The following MPHOSPH9 variants were observed in gnomAD, a reference collection of about 807,000 sequenced individuals.
MPHOSPH9 encodes the protein M-phase phosphoprotein 9.
In MPHOSPH9, 88 loss-of-function variants were observed where a neutral mutation model predicts 145.5. The ratio of observed to expected loss-of-function variants is 0.60; its 90% CI spans 0.51 to 0.72. The LOEUF (loss-of-function observed/expected upper bound fraction) is 0.72, where lower values mean the gene tolerates loss of function less well. Among genes scored for constraint, MPHOSPH9 ranks in the 30% least tolerant of loss-of-function variants. MPHOSPH9 has a pLI of 0.00. For synonymous variants in MPHOSPH9, 435 were observed against 486.2 expected (o/e 0.89, Z 1.39); for missense variants, 1,238 against 1,386.6 (o/e 0.89, Z 1.70).
At chr12:123,202,408 T>C (rs2046261578) in intron 10 of MPHOSPH9, 89 bp from the exon 11 acceptor site, 1 of 1,356,156 alleles carries the variant, frequency 7.4e-7, no homozygotes, top group East Asian at 2.3e-5. Context: ...ATGATTCTCA[T>C]GGGCAAAAAT....
rs1328314105 is a variant in MPHOSPH9 at position 123,203,336 on chromosome 12, C to G, written c.1234G>C (p.Asp412His). 3.1e-6 allele frequency: 5 copies of G among 1,610,462 alleles called. No homozygotes were observed. In the South Asian group the frequency reaches 4.4e-5, roughly 14 times the overall value. ...TCCCTTTGTTTTTTATAATAAATATCCTTCAGTGACGGTAGCTTCATCTCA... is the reference window on the plus strand; with the variant it reads ...TCCCTTTGTTTTTTATAATAAATATGCTTCAGTGACGGTAGCTTCATCTCA... Reference protein sequence around the residue: ...SNEMKLPSLKDIYYKKQRENK... With the variant: ...SNEMKLPSLKHIYYKKQRENK... The change falls in exon 9 of 24, where the codon GAT (aspartate) becomes CAT (histidine). Residue 412 changes from aspartate to histidine, a missense_variant. Around this residue, in one of 3 missense-constraint regions of MPHOSPH9, gnomAD observed 837 missense variants for 897.5 expected, o/e 0.93. Coordinates refer to ENST00000606320, the MANE Select transcript of MPHOSPH9 (RefSeq NM_022782.4).
intron 15 of MPHOSPH9, among the ~76,000 whole-genome samples, chr12:123,178,043 T>G (rs979230932): frequency 6.6e-6 from 1 of 152,200 alleles, no homozygotes; most frequent in African/African-American, 2.4e-5. Flanking sequence ...CATGCTGTTC[T>G]TTTTTCCCCC....
intron 16 of MPHOSPH9, among the ~76,000 whole-genome samples, chr12:123,171,804 CAT>C (rs760738998): frequency 1.3e-5 from 2 of 152,192 alleles, no homozygotes; most frequent in Admixed American, 6.5e-5. Context: ...CTCAAGCACA[CAT>C]AGACATACAG....
At chr12:123,221,924 A>G (rs1362344837) in intron 4 of MPHOSPH9, 29 bp from the exon 5 acceptor site, 2 of 1,225,064 alleles carry the variant, frequency 1.6e-6, no homozygotes, top group Non-Finnish European at 2.2e-6. Context: ...AGATTTGGGT[A>G]AGAAAGTATA....
At chr12:123,181,956 C>CT (rs941406957) in intron 13 of MPHOSPH9, among the ~76,000 whole-genome samples, 187 of 146,410 alleles carry the variant, frequency 1.3e-3, no homozygotes, top group Middle Eastern at 3.6e-3. Flanking sequence ...GGAACTATTA[C>CT]TTTTTTTTTT....
In MPHOSPH9 at chr12:123,221,265, T is replaced by A. The variant is rs1041615163; in HGVS notation, c.872+107A>T. 53 of 916,974 alleles carry A rather than the reference T, an allele frequency of 5.8e-5. No individual in the cohort carries two copies. In the Admixed American group the frequency reaches 1.5e-3, roughly 27 times the overall value. 56.8% of individuals were successfully genotyped at this position (916,974 alleles called of 1,614,324 possible). A position where few individuals can be genotyped will look rare whatever the true frequency, so the allele number is the denominator to read the frequency against. On this transcript the variant is annotated intron_variant, in intron 5 of 23. Coordinates refer to ENST00000606320, the MANE Select transcript of MPHOSPH9 (RefSeq NM_022782.4). ...GTTTATTTCAATTTTCTACAGGCAA[T>A]GAACTGATAAATGTTCAAATACATC...
At position 123,230,122 on chromosome 12, in the gene MPHOSPH9, T is replaced by A; in HGVS notation, c.104+139A>T. ...CAGGCATGAGCCACCGCGCCCAGCC[T>A]CCCTGAACATTCTTGATGATAGGTT... On this transcript the variant is annotated intron_variant, in intron 2 of 23. Coordinates refer to ENST00000606320, the MANE Select transcript of MPHOSPH9 (RefSeq NM_022782.4). The A allele has an allele frequency of 8.7e-6, 5 of 574,008 alleles. No individual in the cohort carries two copies. The South Asian group carries it at 9.0e-5, about 10-fold the overall frequency. The allele number at this position is 574,008 out of a possible 1,614,324, so 35.6% of individuals were successfully genotyped here.
chr12:123,182,542 G>A (rs2045230790), intron 13 of MPHOSPH9, among the ~76,000 whole-genome samples: 1 of 151,432 alleles, frequency 6.6e-6, no homozygotes, highest in Admixed American at 6.6e-5. Flanking sequence ...CACCACGCCT[G>A]GCCTATTGTA....
chr12:123,224,125 TAC>T (rs1179942926), intron 3 of MPHOSPH9, among the ~76,000 whole-genome samples: 4 of 132,410 alleles, frequency 3.0e-5, no homozygotes, highest in Admixed American at 7.6e-5. Flanking sequence ...TATATATATA[TAC>T]ACATTTTTTT....
chr12:123,228,148 G>A (rs1000330629), intron 2 of MPHOSPH9, among the ~76,000 whole-genome samples: 5 of 152,178 alleles, frequency 3.3e-5, no homozygotes, highest in African/African-American at 1.2e-4. Flanking sequence ...CCTACTCAGT[G>A]TGTAAAACAG....
rs2046643945 is a variant in MPHOSPH9 at position 123,210,216 on chromosome 12, T to C, written c.1088-54A>G. ...AAGAGTGAGAAAAAAACAAAAATGC[T>C]TTCTAGAATAACATTTCTACCTAAA... On this transcript the variant is annotated intron_variant, in intron 7 of 23. Transcript: ENST00000606320. The C allele has an allele frequency of 2.9e-6, 3 of 1,024,938 alleles. No individual in the cohort carries two copies. The East Asian group carries it at 8.2e-5, about 28-fold the overall frequency. The allele number at this position is 1,024,938 out of a possible 1,614,324, so 63.5% of individuals were successfully genotyped here.
Position 123,165,438 on chromosome 12 carries a change from AC to A in MPHOSPH9, c.2630del (p.Ser877IlefsTer7). 1 of 1,613,890 alleles carries A rather than the reference AC, an allele frequency of 6.2e-7. No homozygotes were observed. On this transcript the variant is annotated frameshift_variant, in exon 18 of 24. Transcript: ENST00000606320. LOFTEE classifies it high-confidence loss of function. Reference sequence around the variant, plus strand: ...TTTTTATCAACAAGCTTGTTGATGAACTTCCAGGTGAAGAATCCTTTTCCAG... The same window carrying A: ...TTTTTATCAACAAGCTTGTTGATGAATTCCAGGTGAAGAATCCTTTTCCAG... ...SPLEKDSSPG[S>X]SSTSLLIKKQ...
Position 123,209,737 on chromosome 12 carries a change from GT to G in MPHOSPH9, c.1194+318del, listed in dbSNP as rs531113020. Among the ~76,000 whole-genome samples, 832 of 123,642 alleles carry G rather than the reference GT, an allele frequency of 6.7e-3. 6 individuals carry two copies. The highest frequency in any genetic ancestry group is 0.023 in the African/African-American group (777 of 33,802). 81.1% of individuals were successfully genotyped at this position (123,642 alleles called of 152,430 possible). On this transcript the variant is annotated intron_variant, in intron 8 of 23. Transcript: ENST00000606320. ...CACGGTGTGTGTGTTTTGTTTTGTT[GT>G]TTTTTTTTTTTTTTTTGAGATGGAG...
Position 123,154,577 on chromosome 12 carries a change from ATAGGCTAC to A in MPHOSPH9, c.*2222_*2229del, listed in dbSNP as rs1417841725. 5.9e-5 allele frequency: 9 copies of A among 152,366 alleles called. No individual in the cohort carries two copies. In the East Asian group the frequency reaches 1.7e-3, roughly 29 times the overall value. 9.4% of individuals were successfully genotyped at this position (152,366 alleles called of 1,614,324 possible). A position where few individuals can be genotyped will look rare whatever the true frequency, so the allele number is the denominator to read the frequency against. On this transcript the variant is annotated 3_prime_UTR_variant, in exon 24 of 24. Coordinates refer to ENST00000606320, the MANE Select transcript of MPHOSPH9 (RefSeq NM_022782.4). ...AACGCCTTTTTTGGAATAAGCCAAT[ATAGGCTAC>A]TAAGAAGATAATTCCTTGGCAAGAT...
intron 16 of MPHOSPH9, among the ~76,000 whole-genome samples, chr12:123,175,900 A>G (rs184576079): frequency 6.7e-4 from 102 of 151,406 alleles, no homozygotes; most frequent in Non-Finnish European, 1.1e-3. Flanking sequence ...TTCTCTTACA[A>G]TTTATTTTAT....
chr12:123,160,555 A>G, intron 23 of MPHOSPH9: 1 of 490,070 alleles, frequency 2.0e-6, no homozygotes, highest in Admixed American at 3.7e-5. Flanking sequence ...GGGCATGAAC[A>G]CCTTCTTCTC....
At chr12:123,198,756 G>C (rs2046084083) in intron 11 of MPHOSPH9, among the ~76,000 whole-genome samples, 1 of 145,772 alleles carries the variant, frequency 6.9e-6, no homozygotes, top group South Asian at 2.1e-4. Context: ...GTTGCAGCGG[G>C]CTGAGATCAC....
chr12:123,180,808 G>A (rs760041883), intron 14 of MPHOSPH9, among the ~76,000 whole-genome samples: 1 of 150,718 alleles, frequency 6.6e-6, no homozygotes, highest in Non-Finnish European at 1.5e-5. Flanking sequence ...AGGAGGCAGA[G>A]GTTGTGGTGA....
At chr12:123,229,149 T>C (rs1337706582) in intron 2 of MPHOSPH9, among the ~76,000 whole-genome samples, 1 of 152,198 alleles carries the variant, frequency 6.6e-6, no homozygotes, top group Non-Finnish European at 1.5e-5. Context: ...TAATACACAA[T>C]TTCTTCAAGA....
Sources: allele counts gnomAD v4.1 joint callset (sites outside exome capture counted in the v4.1 genomes callset), GRCh38; gene constraint gnomAD v4.1.1; regional missense constraint gnomAD v4.1.1; transcripts MANE v1.5; gene names NCBI Gene and HGNC (gene_info 2026-07-23, HGNC 2026-07-21).